Variants in TXNDC11 observed in about 807,000 individuals in gnomAD.
The protein encoded by TXNDC11 is thioredoxin domain-containing protein 11.
TXNDC11 carries 68 observed loss-of-function variants against 78.0 expected under a neutral mutation model. That is an observed-to-expected ratio of 0.87 (90% CI 0.72 to 1.07). TXNDC11 has a LOEUF of 1.07. Among genes scored for constraint, TXNDC11 ranks in the 50% least tolerant of loss-of-function variants. TXNDC11 has a pLI of 0.00. For synonymous variants in TXNDC11, 571 were observed against 495.2 expected, an observed-to-expected ratio of 1.15 and a Z score of -2.03; for missense variants, 1,389 against 1,221.8, an observed-to-expected ratio of 1.14 and a Z score of -2.04.
chr16:11,740,173 C>A (rs1400550242), intron 1 of TXNDC11, among the ~76,000 whole-genome samples: 1 of 151,944 alleles, frequency 6.6e-6, no homozygotes, highest in Non-Finnish European at 1.5e-5. Context: ...ATCCTATTCT[C>A]CCTTAAGCCT....
chr16:11,703,719 C>A, intron 5 of TXNDC11: 1 of 702,052 alleles, frequency 1.4e-6, no homozygotes, highest in Non-Finnish European at 2.6e-6. Context: ...TAAAAGAAAC[C>A]AGGGCCCTTG....
intron 5 of TXNDC11, among the ~76,000 whole-genome samples, chr16:11,720,128 G>T (rs2051659345): frequency 1.3e-5 from 2 of 152,140 alleles, no homozygotes; most frequent in Admixed American, 1.3e-4. Flanking sequence ...TGTGGAGTCA[G>T]GACTGAGAGA....
At chr16:11,734,552 A>T (rs980004702) in intron 2 of TXNDC11, among the ~76,000 whole-genome samples, 1 of 152,194 alleles carries the variant, frequency 6.6e-6, no homozygotes. Flanking sequence ...TCGCCTTGCA[A>T]AGTGGTTGAG....
intron 1 of TXNDC11, among the ~76,000 whole-genome samples, chr16:11,741,473 G>C (rs933566573): frequency 6.6e-6 from 1 of 152,080 alleles, no homozygotes; most frequent in Non-Finnish European, 1.5e-5. Context: ...CACCAAGCTT[G>C]CCCAGCCTCA....
intron 7 of TXNDC11, among the ~76,000 whole-genome samples, chr16:11,694,937 T>G (rs139498237): frequency 6.6e-6 from 1 of 152,382 alleles, no homozygotes; most frequent in African/African-American, 2.4e-5. Context: ...GTTCGCACAG[T>G]AGATGTTTCC....
At chr16:11,717,747 G>C (rs1395404572) in intron 5 of TXNDC11, among the ~76,000 whole-genome samples, 1 of 151,162 alleles carries the variant, frequency 6.6e-6, no homozygotes, top group South Asian at 2.1e-4. Flanking sequence ...CCTGAACCTC[G>C]GAGGCAGAGG....
At chr16:11,692,342 C>G (rs1168798893) in intron 7 of TXNDC11, 1 of 405,278 alleles carries the variant, frequency 2.5e-6, no homozygotes, top group Non-Finnish European at 4.4e-6. Context: ...ATGCTGCCAG[C>G]CTGTTACTTA....
Position 11,684,262 on chromosome 16 carries a change from A to G in TXNDC11, c.2154-17T>C. ...ACGTCAATCCTGGTAAAGGGAAAGA[A>G]CAGAAATGGCAGATGATCAGCCCAA... On this transcript the variant is annotated splice_polypyrimidine_tract_variant and intron_variant, in intron 10 of 11. Transcript: ENST00000283033. The G allele has an allele frequency of 1.9e-6, 3 of 1,596,154 alleles. No homozygotes were observed. The highest frequency in any genetic ancestry group is 2.6e-6 in the Non-Finnish European group (3 of 1,164,372).
rs757974792 is a variant in TXNDC11, at chr16:11,691,933, T to C, written c.1257A>G (p.Thr419=). ...PAQLPDPPTI[T]ASPCCNTVVL... ...CCACAGTGTTGCAGCAGGGGGACGC[T>C]GTGATCGTTGGCGGGTCTGGCAGCT... The change falls in exon 8 of 12, where the codon ACA becomes ACG. Residue 419 remains threonine (T), a synonymous_variant. Coordinates refer to ENST00000283033, the MANE Select transcript of TXNDC11 (RefSeq NM_015914.7). 2 of 1,612,514 alleles carry C rather than the reference T, an allele frequency of 1.2e-6. No homozygotes were observed. Among genetic ancestry groups the C allele is most frequent in the East Asian group, 2.2e-5 (1 of 44,832 alleles).
In TXNDC11 at chr16:11,679,762, G is replaced by A. The variant is rs2050372469; in HGVS notation, c.2310C>T (p.His770=). 1.9e-6 allele frequency: 3 copies of A among 1,614,178 alleles called. No individual in the cohort carries two copies. Among genetic ancestry groups the A allele is most frequent in the Non-Finnish European group, 8.5e-7 (1 of 1,180,016 alleles). Reference sequence around the variant, plus strand: ...TCTGGGGGCTGGAAGCAGGGTCTGAGTGATGCAAAATGAACCTCAACAGGT... The same window carrying A: ...TCTGGGGGCTGGAAGCAGGGTCTGAATGATGCAAAATGAACCTCAACAGGT... ...LPNLLRFILH[H]SDPASSPQNV... is the part of the protein sequence containing the mutation. The change falls in exon 12 of 12, where the codon CAC becomes CAT. Residue 770 remains histidine, a synonymous_variant. Coordinates refer to ENST00000283033, the MANE Select transcript of TXNDC11 (RefSeq NM_015914.7). The surrounding 1 kb of genome is among the most constrained non-coding windows in gnomAD (Gnocchi z 4.6).
intron 4 of TXNDC11, among the ~76,000 whole-genome samples, chr16:11,725,798 C>T (rs912486722): frequency 1.3e-5 from 2 of 152,214 alleles, no homozygotes; most frequent in African/African-American, 2.4e-5. Context: ...AGTACTCACC[C>T]TTTAATGGCT....
At chr16:11,698,447 C>A in intron 6 of TXNDC11, 122 bp from the exon 7 acceptor site, 1 of 781,372 alleles carries the variant, frequency 1.3e-6, no homozygotes, top group Admixed American at 2.6e-5. Context: ...GGAGCGGGGC[C>A]TGGCCCCACT....
At chr16:11,717,752 C>G (rs1396891063) in intron 5 of TXNDC11, among the ~76,000 whole-genome samples, 3 of 151,214 alleles carry the variant, frequency 2.0e-5, no homozygotes, top group Admixed American at 2.0e-4. Flanking sequence ...ACCTCGGAGG[C>G]AGAGGTTGCA....
rs202160094 is a variant in TXNDC11, at chr16:11,684,172, A to G, written c.2227T>C (p.Cys743Arg). The change falls in exon 11 of 12, where the codon TGC becomes CGC. Residue 743 changes from cysteine (C) to arginine (R), a missense_variant. Physicochemically the swap from Cys to Arg is radical, Grantham distance 180 (BLOSUM62 -3). Transcript: ENST00000283033. ...ACAAAAATTTGGCATTACCTGTTGC[A>G]GGGAAAAAACAAGACAGTAGGAAGA... ...DRLPTVLFFPCNRKDLSVKYP... is the reference protein window; with the variant it reads ...DRLPTVLFFPRNRKDLSVKYP... 2.5e-6 allele frequency: 4 copies of G among 1,613,554 alleles called. No individual in the cohort carries two copies. The East Asian group carries it at 8.9e-5, about 36-fold the overall frequency.
intron 5 of TXNDC11, among the ~76,000 whole-genome samples, chr16:11,719,984 G>A (rs952342406): frequency 6.6e-6 from 1 of 152,196 alleles, no homozygotes; most frequent in Admixed American, 6.6e-5. Context: ...TCTGAGGAAG[G>A]AGAAGCGAGT....
At chr16:11,733,833 C>G (rs1235123969) in intron 3 of TXNDC11, 149 bp downstream of exon 3, 1 of 604,990 alleles carries the variant, frequency 1.7e-6, no homozygotes, top group Non-Finnish European at 2.8e-6. Flanking sequence ...GTGGATTATC[C>G]AGATCTTTCT....
At chr16:11,690,061 G>T (rs2050667421) in intron 8 of TXNDC11, 1 of 152,198 alleles carries the variant, frequency 6.6e-6, no homozygotes, top group Admixed American at 6.5e-5. Flanking sequence ...TGGCTAAAAA[G>T]ACTCATATGT....
At position 11,742,568 on chromosome 16, in the gene TXNDC11, C is replaced by G; in HGVS notation, c.163G>C (p.Ala55Pro). The change falls in exon 1 of 12, where the codon GCC becomes CCC. Residue 55 changes from alanine to proline, a missense_variant. By Grantham distance (27) the Ala-to-Pro change is conservative. Transcript: ENST00000283033. The part of the protein sequence containing the change: ...AGRLRRGLRG[A>P]FLMARQRPEL... Reference sequence around the variant, plus strand: ...GGCCGCTGGCGCGCCATGAGGAAGGCGCCACGCAGCCCGCGACGGAGCCGG... The same window carrying G: ...GGCCGCTGGCGCGCCATGAGGAAGGGGCCACGCAGCCCGCGACGGAGCCGG... The G allele has an allele frequency of 6.9e-7, 1 of 1,456,920 alleles. No individual in the cohort carries two copies. The highest frequency in any genetic ancestry group is 1.5e-5 in the African/African-American group (1 of 67,788). The allele number at this position is 1,456,920 out of a possible 1,614,324, so 90.2% of individuals were successfully genotyped here. A position where few individuals can be genotyped will look rare whatever the true frequency, so the allele number is the denominator to read the frequency against.
chr16:11,700,634 C>A (rs2050986865), intron 5 of TXNDC11, 70 bp from the exon 6 acceptor site: 2 of 781,202 alleles, frequency 2.6e-6, no homozygotes, highest in South Asian at 1.5e-5. Flanking sequence ...ACCCAGTGAT[C>A]AAGTCTTGAA....
Sources: allele counts gnomAD v4.1 joint callset (sites outside exome capture counted in the v4.1 genomes callset), GRCh38; gene constraint gnomAD v4.1.1; non-coding constraint Gnocchi (gnomAD v3.1); transcripts MANE v1.5; gene names NCBI Gene and HGNC (gene_info 2026-07-23, HGNC 2026-07-21).